The following SLC24A2 variants were observed in gnomAD, a reference collection of about 807,000 sequenced individuals.
SLC24A2 encodes solute carrier family 24 member 2, also known as sodium/potassium/calcium exchanger 2.
SLC24A2 carries 36 observed loss-of-function variants against 62.0 expected under a neutral mutation model. The ratio of observed to expected loss-of-function variants is 0.58; its 90% confidence interval spans 0.44 to 0.77. The LOEUF is 0.77. SLC24A2 is among the 30% of genes least tolerant of loss of function. The pLI is 0.00. For missense variants in SLC24A2, 846 were observed against 817.9 expected, an observed-to-expected ratio of 1.03 and a Z score of -0.42; for synonymous variants, 358 against 294.0, an observed-to-expected ratio of 1.22 and a Z score of -2.23.
intron 8 of SLC24A2, among the ~76,000 whole-genome samples, chr9:19,531,092 G>C (rs1344658574): frequency 6.6e-6 from 1 of 152,172 alleles, no homozygotes; most frequent in Non-Finnish European, 1.5e-5. Flanking sequence ...CATTCCAGCT[G>C]TATGGCCATC....
chr9:20,210,929 G>A, the SLC24A2 span, among the ~76,000 whole-genome samples: 10 of 152,096 alleles, frequency 6.6e-5, no homozygotes, highest in South Asian at 4.2e-4. Context: ...GCCCGCTTCA[G>A]GTCTACCTTA....
At chr9:20,100,731 G>A in the SLC24A2 span, among the ~76,000 whole-genome samples, 1 of 152,146 alleles carries the variant, frequency 6.6e-6, no homozygotes, top group African/African-American at 2.4e-5. Context: ...ACAGATTCAA[G>A]TTGTCAGTCT....
chr9:19,656,456 C>G (rs767814410), intron 2 of SLC24A2, among the ~76,000 whole-genome samples: 1 of 152,150 alleles, frequency 6.6e-6, no homozygotes, highest in African/African-American at 2.4e-5. Flanking sequence ...ATTCTAATGT[C>G]TCACTTTCCA....
chr9:19,789,110 G>T (rs2118958877), upstream of SLC24A2, among the ~76,000 whole-genome samples: 1 of 152,308 alleles, frequency 6.6e-6, no homozygotes, highest in Admixed American at 6.5e-5. Flanking sequence ...TGGGCTGTGC[G>T]CTGTGCGCTG....
chr9:20,030,697 C>T, the SLC24A2 span, among the ~76,000 whole-genome samples: 1 of 152,182 alleles, frequency 6.6e-6, no homozygotes, highest in African/African-American at 2.4e-5. Context: ...TCTGTAAATA[C>T]TACCTCATTT....
intron 2 of SLC24A2, among the ~76,000 whole-genome samples, chr9:19,738,347 T>C (rs1232596560): frequency 6.6e-6 from 1 of 151,982 alleles, no homozygotes; most frequent in Non-Finnish European, 1.5e-5. Context: ...TTTTCTGGAG[T>C]GGGGGCTGGA....
At chr9:19,802,171 TG>T in the SLC24A2 span, among the ~76,000 whole-genome samples, 1 of 152,234 alleles carries the variant, frequency 6.6e-6, no homozygotes, top group Non-Finnish European at 1.5e-5. Flanking sequence ...AAGAAATATT[TG>T]TAGCTCTATG....
chr9:19,528,000 C>G, intron 9 of SLC24A2, 49 bp downstream of exon 9: 1 of 1,137,110 alleles, frequency 8.8e-7, no homozygotes. Context: ...ACTTGACAAT[C>G]AGGACTGGAG....
At chr9:19,731,497 T>TTCTTTC (rs1554707778) in intron 2 of SLC24A2, among the ~76,000 whole-genome samples, 1 of 148,178 alleles carries the variant, frequency 6.7e-6, no homozygotes, top group African/African-American at 2.5e-5. Flanking sequence ...GAACACTTGT[T>TTCTTTC]TCTCTCTCTC....
At chr9:19,841,322 A>G in the SLC24A2 span, among the ~76,000 whole-genome samples, 2 of 152,172 alleles carry the variant, frequency 1.3e-5, no homozygotes, top group Non-Finnish European at 2.9e-5. Flanking sequence ...CAGGGATGCC[A>G]TCACTAAGGG....
the SLC24A2 span, among the ~76,000 whole-genome samples, chr9:19,800,106 C>G: frequency 6.6e-6 from 1 of 152,044 alleles, no homozygotes; most frequent in Non-Finnish European, 1.5e-5. Flanking sequence ...ATAAAGACAC[C>G]AGTCATTGGA....
rs986123925 is a variant in SLC24A2, at chr9:19,788,965, C to G, written c.-234G>C. 1 of 984,806 alleles carries G rather than the reference C, an allele frequency of 1.0e-6. No homozygotes were observed. The allele number at this position is 984,806 out of a possible 1,614,324, so 61.0% of individuals were successfully genotyped here. On this transcript the variant is annotated 5_prime_UTR_variant, in exon 1 of 11. Coordinates refer to ENST00000341998, the MANE Select transcript of SLC24A2 (RefSeq NM_020344.4). ...TCCAGTCCGCCGGCCCTCCGCCTAC[C>G]CGCTCTGAGGCCCGGGCTCTGGCTC...
the SLC24A2 span, among the ~76,000 whole-genome samples, chr9:20,244,217 C>A: frequency 6.6e-6 from 1 of 152,100 alleles, no homozygotes; most frequent in Admixed American, 6.5e-5. Flanking sequence ...TATAAACTAT[C>A]CGGTTAAAAC....
chr9:19,940,704 C>T, the SLC24A2 span, among the ~76,000 whole-genome samples: 1 of 152,316 alleles, frequency 6.6e-6, no homozygotes, highest in South Asian at 2.1e-4. Context: ...GTTGCACTCA[C>T]ACTCAAGGTG....
the SLC24A2 span, among the ~76,000 whole-genome samples, chr9:20,048,379 T>A: frequency 6.6e-6 from 1 of 152,184 alleles, no homozygotes; most frequent in African/African-American, 2.4e-5. Flanking sequence ...TGAAGCACAG[T>A]AGAACATATG....
the SLC24A2 span, among the ~76,000 whole-genome samples, chr9:19,987,407 T>C: frequency 6.6e-6 from 1 of 152,188 alleles, no homozygotes; most frequent in Non-Finnish European, 1.5e-5. Flanking sequence ...CAAGTCCTTT[T>C]AGTAAATTAA....
At chr9:20,247,502 G>C in the SLC24A2 span, among the ~76,000 whole-genome samples, 1 of 152,108 alleles carries the variant, frequency 6.6e-6, no homozygotes, top group Non-Finnish European at 1.5e-5. Flanking sequence ...ATAATAGAGA[G>C]TTGAGAACGA....
intron 2 of SLC24A2, among the ~76,000 whole-genome samples, chr9:19,785,312 G>A (rs1392433008): frequency 6.6e-6 from 1 of 152,214 alleles, no homozygotes; most frequent in Non-Finnish European, 1.5e-5. Flanking sequence ...GGGTCATTGT[G>A]ATGCAGAGGC....
At chr9:19,751,771 CTCTT>C (rs1821992798) in intron 2 of SLC24A2, among the ~76,000 whole-genome samples, 1 of 152,230 alleles carries the variant, frequency 6.6e-6, no homozygotes, top group East Asian at 1.9e-4. Flanking sequence ...AGGACCATGG[CTCTT>C]TCTTTAGCAA....
Sources: allele counts gnomAD v4.1 joint callset (sites outside exome capture counted in the v4.1 genomes callset), GRCh38; gene constraint gnomAD v4.1.1; transcripts MANE v1.5; gene names NCBI Gene and HGNC (gene_info 2026-07-23, HGNC 2026-07-21).